The following R3HDM1 variants were observed in gnomAD, a reference collection of about 807,000 sequenced individuals.
R3HDM1 encodes R3H domain containing 1.
A neutral mutation model predicts 141.1 loss-of-function variants in R3HDM1; 46 were observed. The observed-to-expected ratio is 0.33, with a 90% CI of 0.26 to 0.42. The LOEUF is 0.42. R3HDM1 is among the 10% of genes least tolerant of loss of function. The pLI is 1.00. For synonymous variants in R3HDM1, 435 were observed against 472.9 expected (o/e 0.92, Z 1.04); for missense variants, 1,184 against 1,368.3 (o/e 0.87, Z 2.12).
At chr2:135,667,965 A>G (rs923083392) in intron 19 of R3HDM1, among the ~76,000 whole-genome samples, 5 of 152,242 alleles carry the variant, frequency 3.3e-5, no homozygotes, top group African/African-American at 1.2e-4. Context: ...AGAGGAATTC[A>G]TGAGCAACTT....
chr2:135,671,906 G>T (rs1028154746), intron 19 of R3HDM1, among the ~76,000 whole-genome samples: 1 of 151,900 alleles, frequency 6.6e-6, no homozygotes, highest in Non-Finnish European at 1.5e-5. Context: ...AACCCAGGAG[G>T]TGGAGGTTGC....
At chr2:135,605,044 A>G in intron 3 of R3HDM1, 28 bp downstream of exon 3, 2 of 1,469,478 alleles carry the variant, frequency 1.4e-6, no homozygotes, top group Non-Finnish European at 1.9e-6. Context: ...TCTGGCTACA[A>G]ATACTAAATA....
At chr2:135,719,611 G>T (rs2076513135) in intron 24 of R3HDM1, among the ~76,000 whole-genome samples, 1 of 152,160 alleles carries the variant, frequency 6.6e-6, no homozygotes. Context: ...AGTTGAACCT[G>T]GATGATAGGT....
In R3HDM1 at chr2:135,597,257, G is replaced by T. The variant is rs9808171; in HGVS notation, c.-249-5243G>T. 0.014 allele frequency: 13,877 copies of T among 978,184 alleles called. 1,478 individuals are homozygous for T. In the African/African-American group the frequency reaches 0.22, roughly 16 times the overall value. The allele number at this position is 978,184 out of a possible 1,614,324, so 60.6% of individuals were successfully genotyped here. On this transcript the variant is annotated intron_variant, in intron 1 of 26. Coordinates refer to ENST00000683871, the MANE Select transcript of R3HDM1 (RefSeq NM_001378107.1). ...TTCATGGTTTAACGAACTCTTTTAG[G>T]TCAAGGGAGTTCATTCTCTTTACTC...
intron 9 of R3HDM1, among the ~76,000 whole-genome samples, chr2:135,634,323 T>G (rs2063040043): frequency 6.6e-6 from 1 of 152,124 alleles, no homozygotes; most frequent in South Asian, 2.1e-4. Context: ...ATTCATAGGT[T>G]AAAATAAATG....
intron 1 of R3HDM1, chr2:135,561,189 C>T (rs1297510399): frequency 8.6e-6 from 4 of 462,734 alleles, no homozygotes; most frequent in Non-Finnish European, 1.1e-5. Context: ...CCAGGAATCT[C>T]TGCACTGTAC....
intron 1 of R3HDM1, among the ~76,000 whole-genome samples, chr2:135,572,114 C>T (rs185886571): frequency 3.9e-4 from 59 of 152,212 alleles, no homozygotes; most frequent in South Asian, 6.2e-4. Flanking sequence ...CACACCACCA[C>T]GCCCAGCTAA....
chr2:135,705,084 C>T (rs1236141283), intron 21 of R3HDM1, among the ~76,000 whole-genome samples: 4 of 152,176 alleles, frequency 2.6e-5, no homozygotes, highest in African/African-American at 9.7e-5. Context: ...CCAATATGTA[C>T]TGACTCCGCT....
intron 1 of R3HDM1, among the ~76,000 whole-genome samples, chr2:135,535,683 A>G (rs1695942129): frequency 6.6e-6 from 1 of 152,158 alleles, no homozygotes; most frequent in African/African-American, 2.4e-5. Flanking sequence ...CAAAGAATTA[A>G]ATCGTATAAT....
At chr2:135,691,813 T>C (rs2105381329) in intron 21 of R3HDM1, among the ~76,000 whole-genome samples, 1 of 152,156 alleles carries the variant, frequency 6.6e-6, no homozygotes, top group South Asian at 2.1e-4. Context: ...AAATAAAACA[T>C]ATATAAATAT....
rs2059920602 is a variant in R3HDM1 at position 135,604,928 on chromosome 2, G to A, written c.83G>A (p.Arg28Lys). 6.2e-7 allele frequency: 1 copy of A among 1,612,242 alleles called. No individual in the cohort carries two copies. ...GAGGCAGAAGTGAAAGATACAACCA[G>A]AGTTGAAAATCTTATCAAATCAGAA... is the stretch of plus-strand genomic sequence containing the variant. ...DLEAEVKDTT[R>K]VENLIKSENY... The change falls in exon 3 of 27, where the codon AGA becomes AAA. Residue 28 changes from arginine (R) to lysine (K), a missense_variant. Arg to Lys is a conservative substitution (Grantham distance 26). Transcript: ENST00000683871.
intron 3 of R3HDM1, among the ~76,000 whole-genome samples, chr2:135,611,822 T>G (rs1338656600): frequency 6.6e-6 from 1 of 152,212 alleles, no homozygotes; most frequent in Non-Finnish European, 1.5e-5. Context: ...TCACGGTGCT[T>G]TCTTGTGCTG....
intron 7 of R3HDM1, among the ~76,000 whole-genome samples, chr2:135,631,256 A>C (rs751624099): frequency 3.4e-4 from 52 of 152,274 alleles, no homozygotes; most frequent in Admixed American, 1.2e-3. Flanking sequence ...CTAACTAAAG[A>C]TGTCTGTTCT....
chr2:135,694,677 C>G (rs1422980642), intron 21 of R3HDM1, among the ~76,000 whole-genome samples: 2 of 152,126 alleles, frequency 1.3e-5, no homozygotes, highest in African/African-American at 4.8e-5. Flanking sequence ...GGGAACCCAA[C>G]CAGAGTCTCT....
At chr2:135,673,494 T>G (rs1311877909) in intron 19 of R3HDM1, among the ~76,000 whole-genome samples, 1 of 152,242 alleles carries the variant, frequency 6.6e-6, no homozygotes, top group Non-Finnish European at 1.5e-5. Context: ...ACTTGTCATT[T>G]GATGAACTGA....
At chr2:135,651,510 C>T in intron 17 of R3HDM1, 12 of 952,324 alleles carry the variant, frequency 1.3e-5, no homozygotes, top group Non-Finnish European at 1.5e-5. Flanking sequence ...TGTGCATTCC[C>T]ACTAGATATA....
In R3HDM1 at chr2:135,621,541, G is replaced by C; in HGVS notation, c.351G>C (p.Lys117Asn). 6.2e-7 allele frequency: 1 copy of C among 1,601,008 alleles called. No individual in the cohort carries two copies. The highest frequency in any genetic ancestry group is 8.5e-7 in the Non-Finnish European group (1 of 1,173,742). The stretch of plus-strand genomic sequence containing the variant: ...CACAATCATTTGAGAAAGAAGAGAA[G>C]CCCTCAAAAGATGAAGCAGAAAAAG... ...QLTQSFEKEEKPSKDEAEKEK... is the reference protein window; with the variant it reads ...QLTQSFEKEENPSKDEAEKEK... Residue 117 changes from lysine to asparagine, a missense_variant, in exon 6 of 27, where the codon AAG becomes AAC. Physicochemically the swap from Lys to Asn is moderately conservative, Grantham distance 94 (BLOSUM62 0). Transcript: ENST00000683871.
At chr2:135,714,171 A>G (rs1191599261) in intron 23 of R3HDM1, among the ~76,000 whole-genome samples, 1 of 152,228 alleles carries the variant, frequency 6.6e-6, no homozygotes, top group African/African-American at 2.4e-5. Context: ...GAAACCTGAT[A>G]GGCACCATGT....
rs150115695 is a variant in R3HDM1, at chr2:135,649,869, A to G, written c.1624-33A>G. The G allele has an allele frequency of 2.2e-4, 261 of 1,172,130 alleles. 1 individual carries two copies. The highest frequency in any genetic ancestry group is 2.1e-3 in the Middle Eastern group (9 of 4,204). 72.6% of individuals were successfully genotyped at this position (1,172,130 alleles called of 1,614,324 possible). On this transcript the variant is annotated intron_variant, in intron 16 of 26. Transcript: ENST00000683871. Reference sequence around the variant, plus strand: ...AATTCTTCTAACGTTTTATTCTGACATTAACATTGTTTGCCAACCTGTTAT... The same window carrying G: ...AATTCTTCTAACGTTTTATTCTGACGTTAACATTGTTTGCCAACCTGTTAT...
Sources: gnomAD v4.1 joint callset for allele counts (sites outside exome capture counted in the v4.1 genomes callset) on GRCh38, gnomAD v4.1.1 for gene constraint, MANE v1.5 for transcripts, NCBI Gene and HGNC (gene_info 2026-07-23, HGNC 2026-07-21) for gene names.